The following WFDC11 variants were observed in gnomAD, a reference collection of about 807,000 sequenced individuals.
WFDC11 encodes the protein WAP four-disulfide core domain 11, also known as protein WFDC11.
A neutral mutation model predicts 9.9 loss-of-function variants in WFDC11; 9 were observed. The ratio of observed to expected loss-of-function variants is 0.91; its 90% CI spans 0.55 to 1.58. WFDC11 has a LOEUF of 1.58. Among genes scored for constraint, WFDC11 ranks in the 40% most tolerant of loss-of-function variants. The pLI is 0.00. For missense variants in WFDC11, 106 were observed against 101.7 expected, an observed-to-expected ratio of 1.04 and a Z score of -0.18; for synonymous variants, 32 against 33.3, an observed-to-expected ratio of 0.96 and a Z score of 0.13.
chr20:45,665,479 T>G (rs921031965), intron 2 of WFDC11, among the ~76,000 whole-genome samples: 1 of 152,202 alleles, frequency 6.6e-6, no homozygotes, highest in Non-Finnish European at 1.5e-5. Context: ...GCTGCGATCA[T>G]TTGGAGGAGA....
chr20:45,653,207 C>A (rs934664899), intron 2 of WFDC11, among the ~76,000 whole-genome samples: 5 of 151,930 alleles, frequency 3.3e-5, no homozygotes, highest in Non-Finnish European at 7.4e-5. Context: ...AAAGGGAAGC[C>A]CATCAGACTA....
At chr20:45,652,775 T>G (rs1982838343) in intron 2 of WFDC11, among the ~76,000 whole-genome samples, 1 of 152,104 alleles carries the variant, frequency 6.6e-6, no homozygotes, top group Admixed American at 6.6e-5. Context: ...ATGAGAACTA[T>G]GTGACAAATG....
At chr20:45,665,043 C>G (rs890901755) in intron 2 of WFDC11, among the ~76,000 whole-genome samples, 2 of 152,226 alleles carry the variant, frequency 1.3e-5, no homozygotes, top group African/African-American at 4.8e-5. Flanking sequence ...TCATCACTTT[C>G]AGGTACACCA....
chr20:45,649,339 T>C lies in WFDC11; in HGVS notation c.161A>G (p.Lys54Arg). Reference protein sequence around the residue: ...GKPNVKECTNKCSKAFRCKDK... With the variant: ...GKPNVKECTNRCSKAFRCKDK... ...TTTACATCTAAAGGCTTTAGAACAC[T>C]TATTGGTACATTCTTTGACATTTGG... The change falls in exon 4 of 5, where the codon AAG becomes AGG. Residue 54 changes from lysine (K) to arginine (R), a missense_variant. Transcript: ENST00000324384. 2.5e-6 allele frequency: 4 copies of C among 1,614,190 alleles called. No homozygotes were observed. The highest frequency in any genetic ancestry group is 1.7e-6 in the Non-Finnish European group (2 of 1,180,036).
chr20:45,658,915 G>A (rs927895699), intron 2 of WFDC11, among the ~76,000 whole-genome samples: 172 of 111,088 alleles, frequency 1.5e-3, no homozygotes, highest in African/African-American at 6.7e-3. Flanking sequence ...CCACCCCCCC[G>A]TCCATGTGTT....
chr20:45,653,538 A>AC (rs1359837717), intron 2 of WFDC11, among the ~76,000 whole-genome samples: 12 of 152,078 alleles, frequency 7.9e-5, no homozygotes, highest in Admixed American at 7.2e-4. Context: ...AAGCAAAATA[A>AC]CAGCTAACAT....
chr20:45,659,236 G>A (rs916531239), intron 2 of WFDC11, among the ~76,000 whole-genome samples: 6 of 152,196 alleles, frequency 3.9e-5, no homozygotes, highest in African/African-American at 9.7e-5. Context: ...CCAGTAATGG[G>A]ATTGCTGGGA....
chr20:45,654,815 TA>T (rs1435508713), intron 2 of WFDC11, among the ~76,000 whole-genome samples: 1 of 152,076 alleles, frequency 6.6e-6, no homozygotes, highest in African/African-American at 2.4e-5. Context: ...TCTATGCAAG[TA>T]AACTAGAAAA....
chr20:45,654,955 A>G (rs927533489), intron 2 of WFDC11, among the ~76,000 whole-genome samples: 1 of 152,206 alleles, frequency 6.6e-6, no homozygotes, highest in African/African-American at 2.4e-5. Context: ...TTACCAATCA[A>G]AAAAAGTCCA....
intron 2 of WFDC11, among the ~76,000 whole-genome samples, chr20:45,651,513 C>T (rs1336317525): frequency 6.6e-6 from 1 of 152,090 alleles, no homozygotes; most frequent in African/African-American, 2.4e-5. Context: ...GTCTACAGCT[C>T]CCAGCGTGAG....
chr20:45,663,777 C>T (rs1007648482), intron 2 of WFDC11, among the ~76,000 whole-genome samples: 4 of 152,346 alleles, frequency 2.6e-5, no homozygotes, highest in Admixed American at 2.0e-4. Context: ...TTTGGTTGCA[C>T]TGTGGTCTGA....
intron 2 of WFDC11, among the ~76,000 whole-genome samples, chr20:45,659,935 G>T (rs1177029460): frequency 6.6e-6 from 1 of 151,984 alleles, no homozygotes; most frequent in Non-Finnish European, 1.5e-5. Flanking sequence ...GCATATGGCT[G>T]GCCAGTTTTC....
intron 2 of WFDC11, among the ~76,000 whole-genome samples, chr20:45,657,991 A>T (rs893750252): frequency 2.6e-5 from 4 of 152,194 alleles, no homozygotes; most frequent in Admixed American, 2.6e-4. Context: ...TAGATTTTTT[A>T]TAAAACAAAA....
intron 2 of WFDC11, among the ~76,000 whole-genome samples, chr20:45,654,686 A>C (rs1982883790): frequency 1.3e-5 from 2 of 151,894 alleles, no homozygotes; most frequent in African/African-American, 2.4e-5. Context: ...GACTGCTAGC[A>C]AGACTAATAA....
At chr20:45,650,707 T>G in intron 2 of WFDC11, 56 bp from the exon 3 acceptor site, 1 of 924,180 alleles carries the variant, frequency 1.1e-6, no homozygotes, top group Non-Finnish European at 1.7e-6. Flanking sequence ...GAGAAAGTGC[T>G]TGTCGAATTT....
At chr20:45,652,952 C>CTGA (rs1465624630) in intron 2 of WFDC11, among the ~76,000 whole-genome samples, 12 of 152,342 alleles carry the variant, frequency 7.9e-5, no homozygotes, top group Admixed American at 1.3e-4. Context: ...AAATCTTCGT[C>CTGA]TGATTGGTGT....
intron 2 of WFDC11, among the ~76,000 whole-genome samples, chr20:45,656,657 G>A (rs983254720): frequency 6.6e-5 from 10 of 151,726 alleles, no homozygotes; most frequent in Non-Finnish European, 7.4e-5. Context: ...GCAACCTACA[G>A]AACGGGAGAA....
At chr20:45,666,427 C>T (rs565066377) in intron 2 of WFDC11, among the ~76,000 whole-genome samples, 1 of 152,366 alleles carries the variant, frequency 6.6e-6, no homozygotes, top group Admixed American at 6.5e-5. Context: ...CCATGGGTTG[C>T]ACCCACTGTC....
chr20:45,666,169 C>T lies in WFDC11; in HGVS notation c.-52+919G>A, dbSNP rs569272942. 7.2e-5 allele frequency among the ~76,000 whole-genome samples: 11 copies of T among 152,318 alleles called. 1 individual carries two copies. Among genetic ancestry groups the T allele is most frequent in the South Asian group, 4.1e-4 (2 of 4,822 alleles). ...CCCGCCAGGCTGCCACCTCGCATTT[C>T]GATCTCAGACTGCTGCACTAGCAGT... On this transcript the variant is annotated intron_variant, in intron 2 of 4. Coordinates refer to ENST00000324384, the MANE Select transcript of WFDC11 (RefSeq NM_147197.2).
Sources: allele counts gnomAD v4.1 joint callset (sites outside exome capture counted in the v4.1 genomes callset), GRCh38; gene constraint gnomAD v4.1.1; transcripts MANE v1.5; gene names NCBI Gene and HGNC (gene_info 2026-07-23, HGNC 2026-07-21).